The following LARGE1 variants were observed in gnomAD, a reference collection of about 807,000 sequenced individuals.
LARGE1 encodes the protein LARGE xylosyl- and glucuronyltransferase 1, also known as xylosyl- and glucuronyltransferase LARGE1.
Under a neutral mutation model 87.6 loss-of-function variants are expected in LARGE1, and 43 were observed. That is an observed-to-expected ratio of 0.49 (90% confidence interval 0.38 to 0.63). The LOEUF is 0.63. Ranked by LOEUF, LARGE1 falls within the 30% of genes least tolerant of loss-of-function variation. The pLI is 0.00. For synonymous variants in LARGE1, 434 were observed against 394.6 expected, an observed-to-expected ratio of 1.10 and a Z score of -1.18; for missense variants, 802 against 1,000.2, an observed-to-expected ratio of 0.80 and a Z score of 2.67.
At chr22:33,186,926 T>C (rs765219590) in intron 11 of LARGE1, among the ~76,000 whole-genome samples, 3 of 152,202 alleles carry the variant, frequency 2.0e-5, no homozygotes, top group Non-Finnish European at 4.4e-5. Flanking sequence ...ATTTTCTAAA[T>C]GTTCAAAGCC....
chr22:33,266,324 C>A (rs571762252), intron 11 of LARGE1, among the ~76,000 whole-genome samples: 2 of 148,004 alleles, frequency 1.4e-5, no homozygotes, highest in African/African-American at 5.2e-5. Context: ...TCGGTTCAAG[C>A]GATTATCCTG....
intron 5 of LARGE1, chr22:33,572,366 C>A: frequency 3.2e-6 from 1 of 310,134 alleles, no homozygotes; most frequent in South Asian, 3.0e-5. Flanking sequence ...TGGCAGATGC[C>A]TTGGAAGAAG....
At chr22:33,667,590 G>A (rs1039765197) in intron 2 of LARGE1, among the ~76,000 whole-genome samples, 3 of 152,154 alleles carry the variant, frequency 2.0e-5, no homozygotes, top group Non-Finnish European at 4.4e-5. Context: ...TAAAACATTC[G>A]AAAGACAGAA....
At chr22:33,104,913 T>TTC in the LARGE1 span, among the ~76,000 whole-genome samples, 5 of 66,072 alleles carry the variant, frequency 7.6e-5, no homozygotes, top group South Asian at 5.8e-4. Flanking sequence ...CTTTCTTTCT[T>TTC]TCTTTCTTTC....
intron 6 of LARGE1, among the ~76,000 whole-genome samples, chr22:33,470,014 C>T (rs972109511): frequency 1.1e-4 from 16 of 150,886 alleles, no homozygotes; most frequent in Non-Finnish European, 2.1e-4. Flanking sequence ...CTCAGCCTCC[C>T]GAGTAGCTGG....
chr22:33,389,197 G>A (rs1210819354), intron 7 of LARGE1, among the ~76,000 whole-genome samples: 1 of 152,240 alleles, frequency 6.6e-6, no homozygotes, highest in Non-Finnish European at 1.5e-5. Context: ...AGTTTCAATA[G>A]CAGGCTTAGG....
At chr22:33,141,169 ATC>A in the LARGE1 span, among the ~76,000 whole-genome samples, 45,978 of 143,114 alleles carry the variant, frequency 0.32, 7,354 homozygotes, top group South Asian at 0.48. Context: ...TATTCTCAGA[ATC>A]TCTCTCTCTC....
chr22:33,294,207 A>C (rs1229447010), intron 12 of LARGE1, among the ~76,000 whole-genome samples: 3 of 152,238 alleles, frequency 2.0e-5, no homozygotes, highest in African/African-American at 7.2e-5. Context: ...GCGGTGTTGC[A>C]ATAAATGGCT....
intron 6 of LARGE1, among the ~76,000 whole-genome samples, chr22:33,437,981 T>G (rs890207853): frequency 1.3e-5 from 2 of 152,078 alleles, no homozygotes; most frequent in Non-Finnish European, 2.9e-5. Flanking sequence ...ACCACATCCC[T>G]TCCAGCACTG....
At chr22:33,089,388 C>T in the LARGE1 span, among the ~76,000 whole-genome samples, 1,598 of 66,112 alleles carry the variant, frequency 0.024, 30 homozygotes, top group Middle Eastern at 0.066. Context: ...CTTCTTCTTC[C>T]TCTTCTTCTT....
intron 6 of LARGE1, among the ~76,000 whole-genome samples, chr22:33,447,927 T>G (rs537162401): frequency 3.3e-5 from 5 of 152,288 alleles, no homozygotes; most frequent in East Asian, 3.9e-4. Context: ...TAACAGATGC[T>G]GCCACCTGGA....
At chr22:33,660,004 G>C (rs907148083) in intron 2 of LARGE1, among the ~76,000 whole-genome samples, 2 of 151,722 alleles carry the variant, frequency 1.3e-5, no homozygotes, top group African/African-American at 4.8e-5. Flanking sequence ...GTTCTAACGA[G>C]CAATGATACC....
At chr22:33,653,341 C>T (rs2080874105) in intron 2 of LARGE1, among the ~76,000 whole-genome samples, 1 of 152,178 alleles carries the variant, frequency 6.6e-6, no homozygotes, top group African/African-American at 2.4e-5. Flanking sequence ...TAAACAAGGT[C>T]TCCTGGACTT....
intron 11 of LARGE1, among the ~76,000 whole-genome samples, chr22:33,312,126 A>G (rs1266818341): frequency 6.6e-6 from 1 of 152,206 alleles, no homozygotes; most frequent in Non-Finnish European, 1.5e-5. Flanking sequence ...CTTAGGGATG[A>G]GGATAATGAT....
At chr22:33,158,883 G>A (rs1921942610), downstream of LARGE1, among the ~76,000 whole-genome samples, 1 of 152,154 alleles carries the variant, frequency 6.6e-6, no homozygotes, top group Admixed American at 6.5e-5. Flanking sequence ...TTGTCAATAG[G>A]TAATGAATTA....
intron 1 of LARGE1, among the ~76,000 whole-genome samples, chr22:33,779,142 C>T (rs774948744): frequency 2.0e-5 from 3 of 152,126 alleles, no homozygotes; most frequent in Non-Finnish European, 2.9e-5. Flanking sequence ...TAAATCTCTT[C>T]GCTCTGCATA....
chr22:33,732,929 G>A (rs2083523213), intron 2 of LARGE1: 1 of 152,236 alleles, frequency 6.6e-6, no homozygotes, highest in South Asian at 2.1e-4. Context: ...CCTCACCTGT[G>A]GGCAGGCAAA....
At chr22:33,344,967 G>A (rs961289776) in intron 9 of LARGE1, among the ~76,000 whole-genome samples, 9 of 152,186 alleles carry the variant, frequency 5.9e-5, no homozygotes, top group Non-Finnish European at 1.3e-4. Flanking sequence ...TGACACTGGA[G>A]AATGCACCCA....
At chr22:33,089,321 T>TTCTTTCTTCTTCTTTC in the LARGE1 span, among the ~76,000 whole-genome samples, 1 of 87,046 alleles carries the variant, frequency 1.1e-5, no homozygotes, top group African/African-American at 5.0e-5. Context: ...TTCTTTCTTC[T>TTCTTTCTTCTTCTTTC]TTCTTCTTCT....
Sources: allele counts gnomAD v4.1 joint callset (sites outside exome capture counted in the v4.1 genomes callset), GRCh38; gene constraint gnomAD v4.1.1; transcripts MANE v1.5; gene names NCBI Gene and HGNC (gene_info 2026-07-23, HGNC 2026-07-21).